Variants in SAE1 observed in about 807,000 individuals in gnomAD.
SAE1 encodes the protein SUMO1 activating enzyme subunit 1.
Under a neutral mutation model 40.6 loss-of-function variants are expected in SAE1, and 11 were observed. The observed-to-expected ratio is 0.27, with a 90% CI of 0.17 to 0.45. SAE1 has a LOEUF of 0.45. SAE1 is among the 20% of genes least tolerant of loss of function. The pLI, the probability that SAE1 is intolerant of heterozygous loss-of-function variation, is 1.00. For synonymous variants in SAE1, 155 were observed against 154.3 expected, an observed-to-expected ratio of 1.00 and a Z score of -0.03; for missense variants, 373 against 427.3, an observed-to-expected ratio of 0.87 and a Z score of 1.12.
intron 1 of SAE1, among the ~76,000 whole-genome samples, chr19:47,137,984 C>T (rs2058192698): frequency 6.6e-6 from 1 of 152,038 alleles, no homozygotes; most frequent in Non-Finnish European, 1.5e-5. Context: ...CCACCTCGGC[C>T]TCCCAAAGTG....
chr19:47,199,414 G>T (rs981245094), intron 7 of SAE1, among the ~76,000 whole-genome samples: 2 of 136,546 alleles, frequency 1.5e-5, no homozygotes, highest in African/African-American at 5.2e-5. Context: ...AAAAAAAAAA[G>T]GCAGCAATAG....
rs2058281182 is a variant in SAE1, at chr19:47,150,392, A to T, written c.384+17A>T. Reference sequence around the variant, plus strand: ...TTCGATGCTGTAAGTTTCTTATTATAAAATCTGCTGTGGGAATTAAACAAA... The same window carrying T: ...TTCGATGCTGTAAGTTTCTTATTATTAAATCTGCTGTGGGAATTAAACAAA... On this transcript the variant is annotated intron_variant, in intron 3 of 8. Coordinates refer to ENST00000270225, the MANE Select transcript of SAE1 (RefSeq NM_005500.3). 6.3e-7 allele frequency: 1 copy of T among 1,586,990 alleles called. No individual in the cohort carries two copies. Among genetic ancestry groups the T allele is most frequent in the Admixed American group, 1.8e-5 (1 of 55,508 alleles).
At chr19:47,196,611 C>T (rs1457178080) in intron 6 of SAE1, among the ~76,000 whole-genome samples, 1 of 151,476 alleles carries the variant, frequency 6.6e-6, no homozygotes, top group East Asian at 2.0e-4. Context: ...ATCCACCTGC[C>T]TCGGCCTCCC....
chr19:47,202,852 G>C (rs1232752886), intron 7 of SAE1, among the ~76,000 whole-genome samples: 15 of 152,238 alleles, frequency 9.9e-5, no homozygotes, highest in African/African-American at 3.1e-4. Flanking sequence ...GGAGCTTGCA[G>C]TAAGCCAAGA....
At chr19:47,173,323 A>G (rs1327780849) in intron 6 of SAE1, among the ~76,000 whole-genome samples, 5 of 152,070 alleles carry the variant, frequency 3.3e-5, no homozygotes, top group Non-Finnish European at 7.4e-5. Flanking sequence ...ACAACCATGC[A>G]CCACTGCCTG....
intron 8 of SAE1, 37 bp from the exon 9 acceptor site, chr19:47,209,122 C>T (rs978027420): frequency 1.9e-6 from 3 of 1,603,154 alleles, no homozygotes; most frequent in African/African-American, 2.7e-5. Flanking sequence ...CCTCTTAAAG[C>T]ACTTGAGCTA....
chr19:47,139,641 T>G (rs2058205709), intron 1 of SAE1, among the ~76,000 whole-genome samples: 1 of 144,874 alleles, frequency 6.9e-6, no homozygotes. Flanking sequence ...CAGGCTGGAG[T>G]GCAGTGGCGC....
chr19:47,144,163 G>T (rs2058240428), intron 2 of SAE1, among the ~76,000 whole-genome samples: 1 of 151,954 alleles, frequency 6.6e-6, no homozygotes, highest in Non-Finnish European at 1.5e-5. Context: ...GCAAAACTCT[G>T]TCTGTACTCA....
At chr19:47,182,496 T>TGTGCGCGC (rs143321323) in intron 6 of SAE1, among the ~76,000 whole-genome samples, 110 of 146,034 alleles carry the variant, frequency 7.5e-4, no homozygotes, top group East Asian at 1.8e-3. Flanking sequence ...TGTGTGTGTG[T>TGTGCGCGC]GCGCGCACGC....
intron 6 of SAE1, among the ~76,000 whole-genome samples, chr19:47,185,056 G>A (rs1358140882): frequency 6.6e-6 from 1 of 151,888 alleles, no homozygotes; most frequent in Admixed American, 6.6e-5. Context: ...CTGACCTCGG[G>A]TGATCCACCC....
rs532021811 is a variant in SAE1, at chr19:47,162,672, C to T, written c.628-7146C>T. ...CATCTTTATATGCAGAATTATATTA[C>T]TTGTTACTGTTAGGCCTGATTTAAG... On this transcript the variant is annotated intron_variant, in intron 5 of 8. Coordinates refer to ENST00000270225, the MANE Select transcript of SAE1 (RefSeq NM_005500.3). Among the ~76,000 whole-genome samples the T allele has an allele frequency of 2.6e-5, 4 of 152,166 alleles. No homozygotes were observed. The South Asian group carries it at 6.2e-4, about 24-fold the overall frequency.
intron 7 of SAE1, among the ~76,000 whole-genome samples, chr19:47,201,360 C>CTTTTTT (rs57568797): frequency 0.019 from 1,229 of 66,154 alleles, 205 homozygotes; most frequent in Admixed American, 0.024. Context: ...TATCTGGTTC[C>CTTTTTT]TTTTTTTTTT....
At chr19:47,196,266 A>G (rs1008384769) in intron 6 of SAE1, among the ~76,000 whole-genome samples, 1 of 123,976 alleles carries the variant, frequency 8.1e-6, no homozygotes, top group African/African-American at 3.2e-5. Context: ...CAAACTCCTG[A>G]CCTCGTGATC....
rs118029635 is a variant in SAE1 at position 47,198,584 on chromosome 19, C to A, written c.878+1207C>A. The stretch of plus-strand genomic sequence containing the variant: ...GTACTAGGCATCAGGTAGTAAGTAG[C>A]CAACCCAGATCCCACCCCAGGTATC... On this transcript the variant is annotated intron_variant, in intron 7 of 8. Transcript: ENST00000270225. Among the ~76,000 whole-genome samples, 223 of 152,260 alleles carry A rather than the reference C, an allele frequency of 1.5e-3. 1 individual carries two copies. In the East Asian group the frequency reaches 0.037, roughly 26 times the overall value.
At position 47,169,923 on chromosome 19, in the gene SAE1, G is replaced by A. The variant is rs1168804889; in HGVS notation, c.733G>A (p.Val245Met). ...RTTSDYFLLQ[V>M]LLKFRTDKGR... ...GACCTCCGACTACTTTCTCCTTCAA[G>A]GTGAGGTCTCAAAGCACAACTTACC... The change falls in exon 6 of 9, where the codon GTG becomes ATG. Residue 245 changes from valine to methionine, a missense_variant and splice_region_variant. This residue lies in a region of SAE1 where 351 missense variants were observed against 390.6 expected (regional missense o/e 0.90). Coordinates refer to ENST00000270225, the MANE Select transcript of SAE1 (RefSeq NM_005500.3). The A allele has an allele frequency of 2.5e-6, 4 of 1,611,742 alleles. No homozygotes were observed. The highest frequency in any genetic ancestry group is 1.3e-5 in the African/African-American group (1 of 74,888).
intron 7 of SAE1, among the ~76,000 whole-genome samples, chr19:47,200,174 C>T (rs2058644044): frequency 6.6e-6 from 1 of 151,404 alleles, no homozygotes; most frequent in Non-Finnish European, 1.5e-5. Flanking sequence ...ACCTCATGAT[C>T]CACCTGCCTC....
intron 8 of SAE1, among the ~76,000 whole-genome samples, chr19:47,208,684 C>T (rs1015218692): frequency 1.3e-5 from 2 of 152,198 alleles, no homozygotes; most frequent in Non-Finnish European, 2.9e-5. Flanking sequence ...TTCAGCCTCC[C>T]AGAGTGCTGG....
At chr19:47,195,964 G>A (rs1486675539) in intron 6 of SAE1, among the ~76,000 whole-genome samples, 3 of 150,468 alleles carry the variant, frequency 2.0e-5, no homozygotes, top group East Asian at 2.0e-4. Flanking sequence ...AAACTCCTGG[G>A]CTCAAGCGAT....
chr19:47,208,795 G>T (rs755919822), intron 8 of SAE1, among the ~76,000 whole-genome samples: 8 of 152,160 alleles, frequency 5.3e-5, no homozygotes, highest in Non-Finnish European at 4.4e-5. Context: ...GGGCTCAAGT[G>T]ATTCTCCCAC....
Sources: gnomAD v4.1 joint callset for allele counts (sites outside exome capture counted in the v4.1 genomes callset) on GRCh38, gnomAD v4.1.1 for gene constraint, gnomAD v4.1.1 regional missense constraint, MANE v1.5 for transcripts, NCBI Gene and HGNC (gene_info 2026-07-23, HGNC 2026-07-21) for gene names.